Variants in IL1RAPL1 observed in about 807,000 individuals in gnomAD.
IL1RAPL1 encodes interleukin-1 receptor accessory protein-like 1.
IL1RAPL1 carries 3 observed loss-of-function variants against 48.4 expected under a neutral mutation model. That is an observed-to-expected ratio of 0.06 (90% CI 0.03 to 0.16). The LOEUF is 0.16. Among genes scored for constraint, IL1RAPL1 ranks in the 10% least tolerant of loss-of-function variants. IL1RAPL1 has a pLI of 1.00. For missense variants in IL1RAPL1, 349 were observed against 530.6 expected (o/e 0.66, Z 3.36); for synonymous variants, 185 against 187.7 (o/e 0.99, Z 0.12).
At chrX:29,512,346 G>A (rs923809497) in intron 5 of IL1RAPL1, among the ~76,000 whole-genome samples, 2 of 81,982 alleles carry the variant, frequency 2.4e-5, no homozygotes, top group African/African-American at 7.9e-5. Flanking sequence ...TTCCGAAGCT[G>A]AGTGTAAGAT....
At chrX:28,621,228 C>G (rs1431708377) in intron 1 of IL1RAPL1, among the ~76,000 whole-genome samples, 1 of 112,396 alleles carries the variant, frequency 8.9e-6, no homozygotes, top group African/African-American at 3.2e-5. Flanking sequence ...TTCTCCTTCT[C>G]CATTGCTTCC....
intron 2 of IL1RAPL1, among the ~76,000 whole-genome samples, chrX:28,989,348 A>G (rs1191110667): frequency 8.9e-6 from 1 of 112,608 alleles, no homozygotes; most frequent in East Asian, 2.8e-4. Context: ...CCCTTAAATC[A>G]TCCTAAACTT....
chrX:29,617,541 TTA>T (rs1368973152), intron 5 of IL1RAPL1, among the ~76,000 whole-genome samples: 1 of 111,779 alleles, frequency 8.9e-6, no homozygotes, highest in Non-Finnish European at 1.9e-5. Flanking sequence ...CTGTCATGCA[TTA>T]GTGAGCAGCC....
chrX:28,914,311 T>C (rs767437900), intron 2 of IL1RAPL1, among the ~76,000 whole-genome samples: 2 of 110,979 alleles, frequency 1.8e-5, no homozygotes, highest in African/African-American at 6.5e-5. Flanking sequence ...GCACAGGAAA[T>C]ATAACACACA....
chrX:29,152,606 C>A (rs1929488758), intron 2 of IL1RAPL1, among the ~76,000 whole-genome samples: 2 of 112,078 alleles, frequency 1.8e-5, no homozygotes, highest in South Asian at 7.4e-4. Flanking sequence ...TGTTTTTGGA[C>A]TCATTGTCTG....
chrX:29,408,325 C>G (rs1020661984), intron 5 of IL1RAPL1, among the ~76,000 whole-genome samples: 1 of 110,846 alleles, frequency 9.0e-6, no homozygotes, highest in Non-Finnish European at 1.9e-5. Context: ...ATGCTTATTT[C>G]CCCTTCTGGC....
chrX:29,303,177 T>C (rs1193484455), intron 3 of IL1RAPL1, among the ~76,000 whole-genome samples: 1 of 111,680 alleles, frequency 9.0e-6, no homozygotes, highest in African/African-American at 3.3e-5. Context: ...CTTCATACGG[T>C]AGACGTTTGG....
intron 3 of IL1RAPL1, among the ~76,000 whole-genome samples, chrX:29,292,339 A>G (rs761044766): frequency 1.8e-5 from 2 of 111,650 alleles, no homozygotes; most frequent in East Asian, 2.8e-4. Flanking sequence ...TCAGATGACA[A>G]TTTTCTGTCT....
At chrX:28,957,123 T>G (rs1330814078) in intron 2 of IL1RAPL1, among the ~76,000 whole-genome samples, 3 of 111,318 alleles carry the variant, frequency 2.7e-5, no homozygotes, top group African/African-American at 9.8e-5. Flanking sequence ...CTTTATCATT[T>G]TTTATTGTAT....
intron 2 of IL1RAPL1, among the ~76,000 whole-genome samples, chrX:29,147,077 A>C (rs1929366364): frequency 1.8e-5 from 2 of 112,769 alleles, no homozygotes; most frequent in South Asian, 7.3e-4. Flanking sequence ...GTTTGGCACA[A>C]GTCTTAATAT....
At chrX:28,866,692 A>G (rs1922085120) in intron 2 of IL1RAPL1, among the ~76,000 whole-genome samples, 1 of 111,663 alleles carries the variant, frequency 9.0e-6, no homozygotes, top group Non-Finnish European at 1.9e-5. Context: ...TAACCCTGTA[A>G]GCTGTATTTT....
intron 2 of IL1RAPL1, among the ~76,000 whole-genome samples, chrX:29,150,402 A>G (rs2147497945): frequency 9.0e-6 from 1 of 111,662 alleles, no homozygotes; most frequent in South Asian, 3.8e-4. Context: ...AGCAGCAGCT[A>G]ACATTTCTAT....
rs189824374 is a variant in IL1RAPL1, at chrX:29,163,004, C to T, written c.83-119934C>T. ...AGGAGAATCACTTGAACCTGGGAGG[C>T]GGAGGTTGCAGTGAGCCGAGATCAC... is the stretch of plus-strand genomic sequence containing the variant. On this transcript the variant is annotated intron_variant, in intron 2 of 10. Coordinates refer to ENST00000378993, the MANE Select transcript of IL1RAPL1 (RefSeq NM_014271.4). 6.3e-3 allele frequency among the ~76,000 whole-genome samples: 670 copies of T among 106,637 alleles called. 7 individuals carry two copies. The highest frequency in any genetic ancestry group is 0.022 in the African/African-American group (630 of 29,132). The allele number at this position is 106,637 out of a possible 115,157, so 92.6% of individuals were successfully genotyped here. A position where few individuals can be genotyped will look rare whatever the true frequency, so the allele number is the denominator to read the frequency against.
intron 6 of IL1RAPL1, among the ~76,000 whole-genome samples, chrX:29,751,587 T>C (rs1364652678): frequency 2.7e-5 from 3 of 111,152 alleles, no homozygotes; most frequent in African/African-American, 6.5e-5. Flanking sequence ...AAATAAAAAT[T>C]AAGCCTTCTA....
chrX:29,077,076 A>T (rs1402598270), intron 2 of IL1RAPL1, among the ~76,000 whole-genome samples: 1 of 111,909 alleles, frequency 8.9e-6, no homozygotes, highest in Non-Finnish European at 1.9e-5. Flanking sequence ...CTCCAGAAAG[A>T]TTCTAAAATA....
intron 3 of IL1RAPL1, among the ~76,000 whole-genome samples, chrX:29,307,056 C>T (rs1249186403): frequency 1.8e-5 from 2 of 110,504 alleles, no homozygotes; most frequent in Non-Finnish European, 3.8e-5. Context: ...TTCCCCTACT[C>T]ATCTTTCATG....
intron 1 of IL1RAPL1, among the ~76,000 whole-genome samples, chrX:28,728,149 A>G (rs762545660): frequency 2.7e-5 from 3 of 112,106 alleles, no homozygotes; most frequent in African/African-American, 6.4e-5. Flanking sequence ...ATTTCTTATT[A>G]TATCAGAATT....
chrX:29,269,373 T>C (rs1237274522), intron 2 of IL1RAPL1, among the ~76,000 whole-genome samples: 2 of 111,363 alleles, frequency 1.8e-5, no homozygotes, highest in East Asian at 2.8e-4. Flanking sequence ...AACTGGCCAG[T>C]ACAGCTTTTC....
At chrX:28,695,858 C>G (rs1380050852) in intron 1 of IL1RAPL1, among the ~76,000 whole-genome samples, 1 of 111,891 alleles carries the variant, frequency 8.9e-6, no homozygotes, top group Non-Finnish European at 1.9e-5. Flanking sequence ...TGTTGAGCTT[C>G]AAGTTAAACT....
Sources: gnomAD v4.1 joint callset for allele counts (sites outside exome capture counted in the v4.1 genomes callset) on GRCh38, gnomAD v4.1.1 for gene constraint, MANE v1.5 for transcripts, NCBI Gene and HGNC (gene_info 2026-07-23, HGNC 2026-07-21) for gene names.